The following FBXO34 variants were observed in gnomAD, a reference collection of about 807,000 sequenced individuals.
The protein encoded by FBXO34 is F-box only protein 34.
FBXO34 carries 12 observed loss-of-function variants against 24.5 expected under a neutral mutation model. The ratio of observed to expected loss-of-function variants is 0.49; its 90% CI spans 0.31 to 0.79. FBXO34 has a LOEUF of 0.79. Among genes scored for constraint, FBXO34 ranks in the 30% least tolerant of loss-of-function variants. FBXO34 has a pLI of 0.04. For synonymous variants in FBXO34, 320 were observed against 311.9 expected, an observed-to-expected ratio of 1.03 and a Z score of -0.27; for missense variants, 823 against 857.7, an observed-to-expected ratio of 0.96 and a Z score of 0.51.
chr14:55,398,944 ACT>A, the FBXO34 span, among the ~76,000 whole-genome samples: 1 of 152,114 alleles, frequency 6.6e-6, no homozygotes, highest in Admixed American at 6.5e-5. Context: ...AGGGATAATG[ACT>A]CATGCTGCAG....
rs1223068574 is a variant in FBXO34 at position 55,350,962 on chromosome 14, A to C, written c.572A>C (p.Tyr191Ser). The C allele has an allele frequency of 6.2e-7, 1 of 1,614,208 alleles. No individual in the cohort carries two copies. Among genetic ancestry groups the C allele is most frequent in the Non-Finnish European group, 8.5e-7 (1 of 1,180,032 alleles). Residue 191 changes from tyrosine (Y) to serine (S), a missense_variant, in exon 2 of 2, where the codon TAT (tyrosine) becomes TCT (serine). By Grantham distance (144) the Tyr-to-Ser change is moderately radical. This residue lies in a region of FBXO34 where 693 missense variants were observed against 659.1 expected (regional missense o/e 1.05). Coordinates refer to ENST00000313833, the MANE Select transcript of FBXO34 (RefSeq NM_017943.4). The part of the protein sequence containing the change: ...ACGIEHCSVH[Y>S]VSDSGDGVYA... ...GGCATTGAGCACTGTTCTGTGCACT[A>C]TGTGAGTGACAGTGGGGATGGAGTC...
chr14:55,436,043 G>A, the FBXO34 span: 3 of 617,986 alleles, frequency 4.9e-6, no homozygotes, highest in Non-Finnish European at 7.9e-6. Flanking sequence ...ATTTCCTAGG[G>A]GGAGAATTAT....
At chr14:55,337,876 T>A (rs977414878) in intron 1 of FBXO34, among the ~76,000 whole-genome samples, 11 of 151,998 alleles carry the variant, frequency 7.2e-5, no homozygotes, top group African/African-American at 2.7e-4. Flanking sequence ...CCATGGGCCC[T>A]TCAGAATCTC....
chr14:55,400,957 A>C, the FBXO34 span, among the ~76,000 whole-genome samples: 2 of 145,118 alleles, frequency 1.4e-5, no homozygotes, highest in Non-Finnish European at 3.1e-5. Context: ...ATAAAATAAA[A>C]TAAACTGCTT....
the FBXO34 span, among the ~76,000 whole-genome samples, chr14:55,403,649 G>A: frequency 5.3e-4 from 80 of 152,068 alleles, no homozygotes; most frequent in South Asian, 2.9e-3. Context: ...ATGAAAAGAC[G>A]TTTAGGTATG....
chr14:55,433,588 A>G, the FBXO34 span: 1 of 1,558,192 alleles, frequency 6.4e-7, no homozygotes, highest in Non-Finnish European at 8.8e-7. Flanking sequence ...TTTACATACT[A>G]AATTGTTTCT....
the FBXO34 span, among the ~76,000 whole-genome samples, chr14:55,398,241 G>A: frequency 3.3e-5 from 5 of 152,220 alleles, no homozygotes; most frequent in East Asian, 1.9e-4. Flanking sequence ...GTGAGCCACC[G>A]CGCCCAGCAT....
At chr14:55,281,759 G>A (rs1341611317) in intron 1 of FBXO34, among the ~76,000 whole-genome samples, 1 of 152,088 alleles carries the variant, frequency 6.6e-6, no homozygotes, top group Non-Finnish European at 1.5e-5. Flanking sequence ...CACTCAGCAC[G>A]TTGGCATTTC....
intron 1 of FBXO34, among the ~76,000 whole-genome samples, chr14:55,310,334 T>C (rs1882693635): frequency 6.6e-6 from 1 of 152,234 alleles, no homozygotes. Context: ...AAAAGAGAAA[T>C]GCTAGTAGCA....
chr14:55,429,120 C>T, the FBXO34 span: 2 of 961,130 alleles, frequency 2.1e-6, no homozygotes, highest in Non-Finnish European at 3.0e-6. Context: ...GGACTTACTT[C>T]CCATACTTTC....
At chr14:55,303,483 T>C (rs1366654505) in intron 1 of FBXO34, among the ~76,000 whole-genome samples, 3 of 152,116 alleles carry the variant, frequency 2.0e-5, no homozygotes, top group Non-Finnish European at 2.9e-5. Flanking sequence ...CTTATATGTG[T>C]AAATGGGTAT....
the FBXO34 span, chr14:55,413,648 C>T: frequency 5.0e-6 from 2 of 401,576 alleles, no homozygotes; most frequent in South Asian, 4.5e-5. Flanking sequence ...GCTGGCGCTT[C>T]AGTTGAACTC....
chr14:55,423,178 G>C, the FBXO34 span, among the ~76,000 whole-genome samples: 2 of 152,176 alleles, frequency 1.3e-5, no homozygotes, highest in Non-Finnish European at 1.5e-5. Context: ...CTGATTACCG[G>C]TGGGGTTAAA....
the FBXO34 span, among the ~76,000 whole-genome samples, chr14:55,405,623 G>T: frequency 6.6e-6 from 1 of 152,200 alleles, no homozygotes; most frequent in African/African-American, 2.4e-5. Context: ...CTTTCCTGTT[G>T]TGAGTGGAAA....
At chr14:55,418,546 G>A in the FBXO34 span, among the ~76,000 whole-genome samples, 1 of 152,152 alleles carries the variant, frequency 6.6e-6, no homozygotes, top group African/African-American at 2.4e-5. Context: ...GGGGGTTACT[G>A]TTAACAATTG....
chr14:55,433,789 G>A, the FBXO34 span: 34 of 1,415,650 alleles, frequency 2.4e-5, no homozygotes, highest in East Asian at 3.4e-4. Flanking sequence ...TGAAAAAGCC[G>A]AGCTGAATAT....
chr14:55,361,573 T>C (rs1234636805), intron 3 of FBXO34, among the ~76,000 whole-genome samples: 1 of 152,222 alleles, frequency 6.6e-6, no homozygotes, highest in Non-Finnish European at 1.5e-5. Flanking sequence ...AGGCACTGGC[T>C]TCTCTCTAAG....
chr14:55,352,613 TCATC>T lies in FBXO34; in HGVS notation c.*88_*91del, dbSNP rs1316041314. On this transcript the variant is annotated 3_prime_UTR_variant, in exon 2 of 2. Transcript: ENST00000313833. Reference sequence around the variant, plus strand: ...GTTCAAATGAGCGTAGCCCCCTGAGTCATCACTCTAGAAGAATCTGTACATCATC... The same window carrying T: ...GTTCAAATGAGCGTAGCCCCCTGAGTACTCTAGAAGAATCTGTACATCATC... 1 of 1,088,472 alleles carries T rather than the reference TCATC, an allele frequency of 9.2e-7. No individual in the cohort carries two copies. The highest frequency in any genetic ancestry group is 1.3e-6 in the Non-Finnish European group (1 of 765,724). 67.4% of individuals were successfully genotyped at this position (1,088,472 alleles called of 1,614,324 possible).
chr14:55,354,641 C>T (rs922178367), downstream of FBXO34: 4 of 152,202 alleles, frequency 2.6e-5, no homozygotes, highest in African/African-American at 7.2e-5. Flanking sequence ...CAGAAATCGC[C>T]GGTTATCTGT....
Sources: gnomAD v4.1 joint callset for allele counts (sites outside exome capture counted in the v4.1 genomes callset) on GRCh38, gnomAD v4.1.1 for gene constraint, gnomAD v4.1.1 regional missense constraint, MANE v1.5 for transcripts, NCBI Gene and HGNC (gene_info 2026-07-23, HGNC 2026-07-21) for gene names.